Variants in EGFLAM observed in about 807,000 individuals in gnomAD.
The protein encoded by EGFLAM is pikachurin.
EGFLAM carries 79 observed loss-of-function variants against 113.1 expected under a neutral mutation model. The observed-to-expected ratio is 0.70, with a 90% CI of 0.58 to 0.84. The LOEUF is 0.84. Among genes scored for constraint, EGFLAM ranks in the 40% least tolerant of loss-of-function variants. The pLI is 0.00. For missense variants in EGFLAM, 1,265 were observed against 1,291.6 expected, an observed-to-expected ratio of 0.98 and a Z score of 0.32; for synonymous variants, 504 against 487.6, an observed-to-expected ratio of 1.03 and a Z score of -0.44.
intron 14 of EGFLAM, 44 bp from the exon 15 acceptor site, chr5:38,431,133 A>G (rs1561088975): frequency 1.3e-6 from 2 of 1,569,576 alleles, no homozygotes; most frequent in Non-Finnish European, 1.8e-6. Context: ...CCTTATCCTA[A>G]TCAACTCGAT....
chr5:38,407,955 G>A, intron 9 of EGFLAM, 50 bp downstream of exon 9: 3 of 1,396,116 alleles, frequency 2.1e-6, no homozygotes, highest in Non-Finnish European at 3.0e-6. Context: ...CTTTAACACA[G>A]CAATGTGCTA....
intron 3 of EGFLAM, among the ~76,000 whole-genome samples, chr5:38,349,923 C>T (rs1163074376): frequency 6.7e-6 from 1 of 149,108 alleles, no homozygotes; most frequent in East Asian, 2.0e-4. Flanking sequence ...GCTGGGGCTT[C>T]CTGCTCAGGG....
At chr5:38,350,410 G>C (rs1000608105) in intron 3 of EGFLAM, 91 bp from the exon 4 acceptor site, 2 of 1,228,188 alleles carry the variant, frequency 1.6e-6, no homozygotes, top group African/African-American at 3.0e-5. Flanking sequence ...AGTTTCACAG[G>C]GGCCTCGAGA....
At chr5:38,286,533 T>A (rs1758166920) in intron 1 of EGFLAM, among the ~76,000 whole-genome samples, 1 of 152,090 alleles carries the variant, frequency 6.6e-6, no homozygotes, top group Non-Finnish European at 1.5e-5. Context: ...ATTATCCAGC[T>A]CCTCAAGGAA....
chr5:38,343,568 A>G (rs1739399684), intron 3 of EGFLAM, among the ~76,000 whole-genome samples: 2 of 152,150 alleles, frequency 1.3e-5, no homozygotes, highest in Admixed American at 1.3e-4. Flanking sequence ...CCAGCCTCCA[A>G]AGCCAATGCT....
chr5:38,437,469 G>A (rs149419426), intron 16 of EGFLAM, among the ~76,000 whole-genome samples: 7 of 152,110 alleles, frequency 4.6e-5, no homozygotes, highest in African/African-American at 1.4e-4. Context: ...TTCCGCCTCC[G>A]TAACACTGTG....
intron 5 of EGFLAM, among the ~76,000 whole-genome samples, chr5:38,357,659 G>T (rs1739798146): frequency 6.6e-6 from 1 of 152,142 alleles, no homozygotes; most frequent in African/African-American, 2.4e-5. Flanking sequence ...CTAGGAAATT[G>T]TAGAAATTGG....
intron 3 of EGFLAM, among the ~76,000 whole-genome samples, chr5:38,347,630 A>G (rs1275961280): frequency 6.6e-6 from 1 of 152,172 alleles, no homozygotes; most frequent in Non-Finnish European, 1.5e-5. Flanking sequence ...GAGGCATTGA[A>G]TGGCATAAAT....
intron 6 of EGFLAM, among the ~76,000 whole-genome samples, chr5:38,387,041 G>A (rs1270007841): frequency 6.6e-6 from 1 of 152,122 alleles, no homozygotes; most frequent in African/African-American, 2.4e-5. Context: ...GGGATCACTG[G>A]TAAAAGTTAA....
intron 6 of EGFLAM, among the ~76,000 whole-genome samples, chr5:38,374,202 C>T (rs966626601): frequency 2.0e-5 from 3 of 152,134 alleles, no homozygotes; most frequent in African/African-American, 4.8e-5. Flanking sequence ...GCTGTAACCA[C>T]CCAACAGTTC....
At position 38,431,184 on chromosome 5, in the gene EGFLAM, G is replaced by T. The variant is rs1742174848; in HGVS notation, c.2062G>T (p.Asp688Tyr). ...GSGTGVLRSE[D>Y]PLTLGNWHEL... The stretch of plus-strand genomic sequence containing the variant: ...CACATCTTCCTTCCACAGGAGTGAA[G>T]ATCCCCTCACCCTGGGCAACTGGCA... Residue 688 changes from aspartate (D) to tyrosine (Y), a missense_variant, in exon 15 of 22, where the codon GAT becomes TAT. Physicochemically the swap from Asp to Tyr is radical, Grantham distance 160. Transcript: ENST00000322350. 1.2e-6 allele frequency: 2 copies of T among 1,614,064 alleles called. No individual in the cohort carries two copies. Among genetic ancestry groups the T allele is most frequent in the Non-Finnish European group, 1.7e-6 (2 of 1,179,988 alleles).
chr5:38,262,495 G>C (rs1757523619), intron 1 of EGFLAM, among the ~76,000 whole-genome samples: 1 of 152,012 alleles, frequency 6.6e-6, no homozygotes, highest in South Asian at 2.1e-4. Context: ...ATATTACCTT[G>C]TGTCCCTTTG....
intron 1 of EGFLAM, among the ~76,000 whole-genome samples, chr5:38,259,320 G>A (rs113184957): frequency 2.0e-5 from 3 of 152,372 alleles, no homozygotes; most frequent in African/African-American, 7.2e-5. Flanking sequence ...GCGTTGTGCA[G>A]GGATGTGGAC....
Position 38,277,401 on chromosome 5 carries a change from A to G in EGFLAM, c.97+18550A>G, listed in dbSNP as rs540075825. On this transcript the variant is annotated intron_variant, in intron 1 of 21. Coordinates refer to ENST00000322350, the MANE Select transcript of EGFLAM (RefSeq NM_152403.4). ...AAAAGTCTCAACAAATTAGGCATAG[A>G]TGGAATGTACCTCAACATAATAAAG... Among the ~76,000 whole-genome samples, 11 of 152,316 alleles carry G rather than the reference A, an allele frequency of 7.2e-5. No individual in the cohort carries two copies. The South Asian group carries it at 2.3e-3, about 32-fold the overall frequency.
At chr5:38,406,320 A>G (rs951859166) in intron 7 of EGFLAM, 79 bp downstream of exon 7, 59 of 1,262,982 alleles carry the variant, frequency 4.7e-5, no homozygotes, top group Non-Finnish European at 6.2e-5. Flanking sequence ...AATGGACCAT[A>G]AACATTTTAC....
At chr5:38,403,785 C>G (rs1187154376) in intron 6 of EGFLAM, 8 of 1,607,598 alleles carry the variant, frequency 5.0e-6, no homozygotes, top group Non-Finnish European at 6.8e-6. Context: ...GCTTGCTGTA[C>G]AAAGATAGAG....
intron 1 of EGFLAM, among the ~76,000 whole-genome samples, chr5:38,261,683 G>A (rs1757504320): frequency 6.6e-6 from 1 of 152,208 alleles, no homozygotes; most frequent in South Asian, 2.1e-4. Flanking sequence ...GCTGTTTTGT[G>A]TGGGGATCCT....
rs768786091 is a variant in EGFLAM, at chr5:38,406,246, C to A, written c.828+5C>A. Reference sequence around the variant, plus strand: ...TTGGATATTTCCTTTGAGGAGGTAACAATAATCTCTGCTCTTAAAACCCAG... The same window carrying A: ...TTGGATATTTCCTTTGAGGAGGTAAAAATAATCTCTGCTCTTAAAACCCAG... On this transcript the variant is annotated splice_donor_5th_base_variant and intron_variant, in intron 7 of 21. Transcript: ENST00000322350. 9 of 1,611,678 alleles carry A rather than the reference C, an allele frequency of 5.6e-6. No homozygotes were observed. Among genetic ancestry groups the A allele is most frequent in the Admixed American group, 1.7e-5 (1 of 59,956 alleles).
At chr5:38,367,096 A>G (rs922965473) in intron 5 of EGFLAM, among the ~76,000 whole-genome samples, 5 of 152,076 alleles carry the variant, frequency 3.3e-5, no homozygotes, top group Non-Finnish European at 5.9e-5. Flanking sequence ...CTATCTCACT[A>G]CTTGGCAAAA....
Sources: gnomAD v4.1 joint callset for allele counts (sites outside exome capture counted in the v4.1 genomes callset) on GRCh38, gnomAD v4.1.1 for gene constraint, MANE v1.5 for transcripts, NCBI Gene and HGNC (gene_info 2026-07-23, HGNC 2026-07-21) for gene names.